PSPC1: variants seen among roughly 807,000 people sequenced by gnomAD.
PSPC1 encodes paraspeckle component 1, also known as paraspeckle protein 1.
A neutral mutation model predicts 51.6 loss-of-function variants in PSPC1; 14 were observed. That is an observed-to-expected ratio of 0.27 (90% CI 0.18 to 0.42). The LOEUF (loss-of-function observed/expected upper bound fraction) is 0.42, where lower values mean the gene tolerates loss of function less well. Ranked by LOEUF, PSPC1 falls within the 10% of genes least tolerant of loss-of-function variation. PSPC1 has a pLI of 1.00. For synonymous variants in PSPC1, 193 were observed against 231.9 expected, an observed-to-expected ratio of 0.83 and a Z score of 1.53; for missense variants, 406 against 701.1, an observed-to-expected ratio of 0.58 and a Z score of 4.75.
At chr13:19,740,998 C>A (rs1885385781) in intron 5 of PSPC1, among the ~76,000 whole-genome samples, 2 of 152,228 alleles carry the variant, frequency 1.3e-5, no homozygotes, top group South Asian at 4.2e-4. Context: ...CCTCAACGCC[C>A]TGAGTAGCTG....
chr13:19,725,627 CA>C (rs34360156), intron 6 of PSPC1, among the ~76,000 whole-genome samples: 16,408 of 151,628 alleles, frequency 0.11, 1,016 homozygotes, highest in Middle Eastern at 0.14. Context: ...ACAAAACAAA[CA>C]AAAAAAAGTG....
chr13:19,679,425 T>C (rs1877029224), intron 6 of PSPC1, among the ~76,000 whole-genome samples: 1 of 152,070 alleles, frequency 6.6e-6, no homozygotes, highest in Non-Finnish European at 1.5e-5. Flanking sequence ...GAGCCCACGA[T>C]GTGGAGGTTG....
At chr13:19,674,382 T>G (rs1256367586), downstream of PSPC1, among the ~76,000 whole-genome samples, 1 of 152,232 alleles carries the variant, frequency 6.6e-6, no homozygotes, top group African/African-American at 2.4e-5. Context: ...AAATCCTGTA[T>G]TGATTCTTAA....
At chr13:19,696,519 GCACA>G (rs34618199) in intron 6 of PSPC1, among the ~76,000 whole-genome samples, 15 of 148,916 alleles carry the variant, frequency 1.0e-4, no homozygotes, top group Non-Finnish European at 1.5e-4. Context: ...ACACACATAC[GCACA>G]CACACACACA....
At chr13:19,671,983 C>A, downstream of PSPC1, 1 of 1,150,216 alleles carries the variant, frequency 8.7e-7, no homozygotes, top group Admixed American at 1.9e-5. Context: ...TGTCTGTAAA[C>A]CTCTTGCAGT....
chr13:19,736,887 T>C (rs537909942), intron 5 of PSPC1: 2 of 152,210 alleles, frequency 1.3e-5, no homozygotes, highest in Admixed American at 1.3e-4. Context: ...ATTACTAAAA[T>C]TTCACCAGTT....
At position 19,716,014 on chromosome 13, in the gene PSPC1, A is replaced by AAAAAAAT. The variant is rs374365531; in HGVS notation, c.1159-6422_1159-6416dup. 3.0e-3 allele frequency among the ~76,000 whole-genome samples: 453 copies of AAAAAAAT among 152,248 alleles called. 2 individuals carry two copies. The highest frequency in any genetic ancestry group is 0.01 in the African/African-American group (429 of 41,514). ...GGGCGATACAGCAAGACTCCGTCTCAAAAAAATAAAAAATAAAAAATAAAA... is the reference window on the plus strand; with the variant it reads ...GGGCGATACAGCAAGACTCCGTCTCAAAAAAATAAAAAATAAAAAATAAAAAATAAAA... On this transcript the variant is annotated intron_variant, in intron 6 of 8. Coordinates refer to ENST00000338910, the MANE Select transcript of PSPC1 (RefSeq NM_001354909.2).
chr13:19,716,916 G>A (rs545618991), intron 6 of PSPC1, among the ~76,000 whole-genome samples: 10 of 152,014 alleles, frequency 6.6e-5, no homozygotes, highest in Non-Finnish European at 1.3e-4. Flanking sequence ...TTGGCCAGGC[G>A]CGGTGGCTCA....
chr13:19,706,103 C>T (rs915124604), intron 7 of PSPC1, among the ~76,000 whole-genome samples: 1 of 152,168 alleles, frequency 6.6e-6, no homozygotes, highest in African/African-American at 2.4e-5. Context: ...AGCTTTGAGA[C>T]ATCACTATTA....
intron 1 of PSPC1, 113 bp from the exon 2 acceptor site, chr13:19,772,656 ATTTGATTTT>A: frequency 2.1e-6 from 2 of 953,082 alleles, no homozygotes; most frequent in Non-Finnish European, 3.1e-6. Context: ...GACAGGGTCA[ATTTGATTTT>A]GTATCTTTTA....
intron 7 of PSPC1, among the ~76,000 whole-genome samples, chr13:19,707,310 T>C (rs2137754853): frequency 6.6e-6 from 1 of 152,322 alleles, no homozygotes; most frequent in South Asian, 2.1e-4. Context: ...TTACTTTTAG[T>C]ATTCACATCT....
chr13:19,735,555 CT>C (rs1384073833), intron 5 of PSPC1, among the ~76,000 whole-genome samples: 5 of 152,114 alleles, frequency 3.3e-5, no homozygotes, highest in African/African-American at 1.2e-4. Context: ...AAACCAGAAA[CT>C]TGTGTACTCC....
intron 1 of PSPC1, among the ~76,000 whole-genome samples, chr13:19,781,306 C>G (rs905293927): frequency 2.0e-5 from 3 of 152,076 alleles, no homozygotes; most frequent in Non-Finnish European, 2.9e-5. Context: ...CGCGCACCAC[C>G]ACGCCCAGCT....
intron 6 of PSPC1, among the ~76,000 whole-genome samples, chr13:19,723,888 T>C (rs1365906259): frequency 1.3e-5 from 2 of 152,216 alleles, no homozygotes; most frequent in Non-Finnish European, 2.9e-5. Context: ...ATGAGACCAT[T>C]GCAATGTCTG....
intron 6 of PSPC1, among the ~76,000 whole-genome samples, chr13:19,712,102 C>A (rs1881516314): frequency 6.6e-6 from 1 of 152,072 alleles, no homozygotes; most frequent in Non-Finnish European, 1.5e-5. Flanking sequence ...CTGTAACAAG[C>A]AAATATAGTA....
chr13:19,712,480 C>A (rs555547082), intron 6 of PSPC1, among the ~76,000 whole-genome samples: 2 of 152,250 alleles, frequency 1.3e-5, no homozygotes, highest in Admixed American at 6.5e-5. Context: ...TTATTATTCA[C>A]AAAGTACCTT....
intron 3 of PSPC1, among the ~76,000 whole-genome samples, chr13:19,755,274 G>A (rs1279828309): frequency 3.3e-5 from 5 of 151,650 alleles, no homozygotes; most frequent in Non-Finnish European, 7.4e-5. Context: ...AAGAGAAATA[G>A]CATTGCAAAG....
At chr13:19,693,221 T>A (rs1009131776) in intron 6 of PSPC1, among the ~76,000 whole-genome samples, 1 of 152,208 alleles carries the variant, frequency 6.6e-6, no homozygotes, top group Admixed American at 6.5e-5. Flanking sequence ...AAGTATCTAC[T>A]CACCTTCAGG....
chr13:19,764,790 G>A (rs1887908467), intron 2 of PSPC1, among the ~76,000 whole-genome samples: 1 of 151,328 alleles, frequency 6.6e-6, no homozygotes, highest in Non-Finnish European at 1.5e-5. Context: ...CTGCCATGCA[G>A]TGGCATGATC....
Sources: gnomAD v4.1 joint callset for allele counts (sites outside exome capture counted in the v4.1 genomes callset) on GRCh38, gnomAD v4.1.1 for gene constraint, MANE v1.5 for transcripts, NCBI Gene and HGNC (gene_info 2026-07-23, HGNC 2026-07-21) for gene names.